Variants in NRXN1 observed in about 807,000 individuals in gnomAD.
NRXN1 encodes neurexin-1.
NRXN1 carries 39 observed loss-of-function variants against 150.9 expected under a neutral mutation model. The ratio of observed to expected loss-of-function variants is 0.26; its 90% CI spans 0.20 to 0.34. NRXN1 has a LOEUF of 0.34. Ranked by LOEUF, NRXN1 falls within the 10% of genes least tolerant of loss-of-function variation. The pLI is 1.00. For missense variants in NRXN1, 1,815 were observed against 1,949.9 expected, an observed-to-expected ratio of 0.93 and a Z score of 1.30; for synonymous variants, 924 against 757.0, an observed-to-expected ratio of 1.22 and a Z score of -3.62.
chr2:51,002,834 C>T (rs574325385), intron 2 of NRXN1, among the ~76,000 whole-genome samples: 1 of 152,020 alleles, frequency 6.6e-6, no homozygotes, highest in East Asian at 1.9e-4. Flanking sequence ...TGTTTTCTTT[C>T]TCTGTTCATC....
intron 5 of NRXN1, among the ~76,000 whole-genome samples, chr2:50,676,592 C>G (rs1230011856): frequency 6.6e-6 from 1 of 152,136 alleles, no homozygotes; most frequent in African/African-American, 2.4e-5. Flanking sequence ...AACGATAATA[C>G]ATACAAACTG....
At chr2:50,411,799 C>G (rs1230014519) in intron 17 of NRXN1, among the ~76,000 whole-genome samples, 2 of 152,250 alleles carry the variant, frequency 1.3e-5, no homozygotes, top group Admixed American at 1.3e-4. Context: ...CCGGCTGCCA[C>G]CCCGTCCCGG....
rs1430859209 is a variant in NRXN1 at position 50,621,257 on chromosome 2, G to A, written c.1135-8C>T. The A allele has an allele frequency of 3.2e-6, 5 of 1,562,630 alleles. No individual in the cohort carries two copies. In the East Asian group the frequency reaches 9.4e-5, roughly 29 times the overall value. On this transcript the variant is annotated splice_polypyrimidine_tract_variant and splice_region_variant and intron_variant, in intron 6 of 22. Transcript: ENST00000401669. ...GTGTCCAATGCCTGAGTGCTTTGTGGAGAAGGGGGGAGAAAGGAAATTAAA... is the reference window on the plus strand; with the variant it reads ...GTGTCCAATGCCTGAGTGCTTTGTGAAGAAGGGGGGAGAAAGGAAATTAAA...
intron 18 of NRXN1, among the ~76,000 whole-genome samples, chr2:50,165,658 T>G (rs1047086492): frequency 1.1e-4 from 16 of 152,314 alleles, no homozygotes; most frequent in Admixed American, 5.9e-4. Flanking sequence ...CAGCCAGCAC[T>G]GTCAACTCAT....
chr2:50,532,223 T>A (rs2093134940), intron 10 of NRXN1, among the ~76,000 whole-genome samples: 1 of 152,090 alleles, frequency 6.6e-6, no homozygotes, highest in African/African-American at 2.4e-5. Context: ...GAATTATTCA[T>A]CTGCACAATG....
At chr2:50,398,290 G>C (rs940857823) in intron 17 of NRXN1, among the ~76,000 whole-genome samples, 2 of 152,040 alleles carry the variant, frequency 1.3e-5, no homozygotes, top group Non-Finnish European at 2.9e-5. Context: ...CTCTACTAAA[G>C]TTTACTGGCT....
intron 18 of NRXN1, among the ~76,000 whole-genome samples, chr2:50,132,156 C>T (rs1429214299): frequency 6.6e-6 from 1 of 152,136 alleles, no homozygotes; most frequent in Non-Finnish European, 1.5e-5. Flanking sequence ...CTAAAGGCAG[C>T]AGCAACATCA....
At chr2:50,722,632 T>C (rs191734088) in intron 5 of NRXN1, among the ~76,000 whole-genome samples, 127 of 152,324 alleles carry the variant, frequency 8.3e-4, no homozygotes, top group African/African-American at 2.5e-3. Flanking sequence ...AAGGTTACCA[T>C]TATTGCTTCT....
intron 22 of NRXN1, chr2:49,926,426 T>C: frequency 2.5e-6 from 1 of 398,284 alleles, no homozygotes; most frequent in East Asian, 3.6e-5. Context: ...AATCTTCTTG[T>C]TTTTTGTTGT....
At chr2:50,874,167 T>C (rs1321326541) in intron 5 of NRXN1, among the ~76,000 whole-genome samples, 2 of 151,894 alleles carry the variant, frequency 1.3e-5, no homozygotes, top group Admixed American at 1.3e-4. Context: ...TTGCAAAGAA[T>C]GACTCTCTTG....
intron 16 of NRXN1, among the ~76,000 whole-genome samples, chr2:50,470,718 G>C (rs867563915): frequency 3.0e-4 from 46 of 151,698 alleles, no homozygotes; most frequent in African/African-American, 9.7e-4. Context: ...AGTATTACAG[G>C]AGAGGCAGCA....
intron 8 of NRXN1, among the ~76,000 whole-genome samples, chr2:50,555,552 T>A (rs1668107951): frequency 6.6e-6 from 1 of 152,184 alleles, no homozygotes. Context: ...CTTTATATGC[T>A]TTACACTGGC....
chr2:50,175,017 T>G (rs2060264469), intron 18 of NRXN1: 1 of 152,200 alleles, frequency 6.6e-6, no homozygotes, highest in South Asian at 2.1e-4. Flanking sequence ...GATTATTGCC[T>G]TCAAATTATA....
At chr2:50,522,153 TA>T (rs1208437742) in intron 12 of NRXN1, among the ~76,000 whole-genome samples, 3 of 152,134 alleles carry the variant, frequency 2.0e-5, no homozygotes, top group Admixed American at 1.3e-4. Context: ...CAGCTCTTCA[TA>T]ACGACAACAA....
intron 17 of NRXN1, among the ~76,000 whole-genome samples, chr2:50,383,762 G>C (rs887740846): frequency 6.6e-6 from 1 of 152,024 alleles, no homozygotes; most frequent in Non-Finnish European, 1.5e-5. Flanking sequence ...TAAAATTCTT[G>C]AGCGGAATGA....
chr2:50,329,526 C>T (rs1410073876), intron 17 of NRXN1, among the ~76,000 whole-genome samples: 2 of 144,614 alleles, frequency 1.4e-5, no homozygotes, highest in African/African-American at 5.1e-5. Flanking sequence ...AACTCATTTC[C>T]ACACTTCGTA....
chr2:50,490,782 G>C (rs1216880296), intron 15 of NRXN1, among the ~76,000 whole-genome samples: 1 of 152,246 alleles, frequency 6.6e-6, no homozygotes, highest in East Asian at 1.9e-4. Flanking sequence ...AAACCAAGAG[G>C]ATGGCTCTTG....
At chr2:50,944,704 G>A (rs1423024260) in intron 2 of NRXN1, among the ~76,000 whole-genome samples, 2 of 152,112 alleles carry the variant, frequency 1.3e-5, no homozygotes, top group African/African-American at 4.8e-5. Context: ...AGTATAATTA[G>A]GAAATTCATG....
chr2:50,485,853 G>A (rs975408567), intron 15 of NRXN1, among the ~76,000 whole-genome samples: 1 of 152,220 alleles, frequency 6.6e-6, no homozygotes, highest in African/African-American at 2.4e-5. Context: ...ATCAGTTGAT[G>A]TGCCTTGTCA....
Sources: allele counts gnomAD v4.1 joint callset (sites outside exome capture counted in the v4.1 genomes callset), GRCh38; gene constraint gnomAD v4.1.1; transcripts MANE v1.5; gene names NCBI Gene and HGNC (gene_info 2026-07-23, HGNC 2026-07-21).